The following DST variants were observed in gnomAD, a reference collection of about 807,000 sequenced individuals.
DST encodes the protein dystonin.
Under a neutral mutation model 875.2 loss-of-function variants are expected in DST, and 253 were observed. The observed-to-expected ratio is 0.29, with a 90% CI of 0.26 to 0.32. The LOEUF is 0.32. DST is among the 10% of genes least tolerant of loss of function. DST has a pLI of 1.00. For synonymous variants in DST, 3,124 were observed against 3,197.1 expected (o/e 0.98, Z 0.77); for missense variants, 8,287 against 9,111.6 (o/e 0.91, Z 3.68).
chr6:56,550,526 T>C (rs551313797), intron 61 of DST, among the ~76,000 whole-genome samples: 1 of 152,320 alleles, frequency 6.6e-6, no homozygotes, highest in South Asian at 2.1e-4. Flanking sequence ...CTCTTGCTTT[T>C]TCTTACTTTC....
At chr6:56,554,734 T>C (rs1403904180) in intron 60 of DST, among the ~76,000 whole-genome samples, 1 of 152,172 alleles carries the variant, frequency 6.6e-6, no homozygotes, top group Non-Finnish European at 1.5e-5. Context: ...AAGCATAACT[T>C]GAGTATCTAC....
chr6:56,532,700 C>A (rs1321947976), intron 63 of DST, among the ~76,000 whole-genome samples, 190 bp from the exon 64 acceptor site: 1 of 152,160 alleles, frequency 6.6e-6, no homozygotes, highest in Non-Finnish European at 1.5e-5. Flanking sequence ...GGGTCAGACA[C>A]TGTGGCAGGG....
At chr6:56,576,464 C>T (rs114109961) in intron 50 of DST, among the ~76,000 whole-genome samples, 95 of 152,122 alleles carry the variant, frequency 6.2e-4, no homozygotes, top group African/African-American at 2.1e-3. Context: ...GAGACTGACC[C>T]CTTAACCTGT....
intron 4 of DST, among the ~76,000 whole-genome samples, chr6:56,765,860 AC>A (rs2099632063): frequency 2.6e-5 from 4 of 152,176 alleles, no homozygotes; most frequent in Admixed American, 2.6e-4. Context: ...CATCTCTACC[AC>A]CCAAAAACTC....
In DST at chr6:56,594,086, T is replaced by G; in HGVS notation, c.12303A>C (p.Lys4101Asn). The change falls in exon 48 of 104, where the codon AAA (lysine) becomes AAC (asparagine). Residue 4101 changes from lysine (K) to asparagine (N), a missense_variant. Transcript: ENST00000680361. ...KQGQYLSPEE[K>N]EKLQKNMKEL... is the part of the protein sequence containing the mutation. Reference sequence around the variant, plus strand: ...CCTTCATGTTCTTTTGCAGTTTCTCTTTTTCTTCAGGAGAGAGATACTGAC... The same window carrying G: ...CCTTCATGTTCTTTTGCAGTTTCTCGTTTTCTTCAGGAGAGAGATACTGAC... The G allele has an allele frequency of 6.2e-7, 1 of 1,611,414 alleles. No homozygotes were observed. Among genetic ancestry groups the G allele is most frequent in the Non-Finnish European group, 8.5e-7 (1 of 1,179,390 alleles).
At chr6:56,729,810 T>C (rs531625726) in intron 5 of DST, among the ~76,000 whole-genome samples, 71 of 152,222 alleles carry the variant, frequency 4.7e-4, no homozygotes, top group African/African-American at 1.6e-3. Flanking sequence ...TGTGATTGAT[T>C]TGGTGGAGTC....
chr6:56,658,774 T>C (rs2099023532), intron 10 of DST, among the ~76,000 whole-genome samples: 1 of 152,196 alleles, frequency 6.6e-6, no homozygotes, highest in Admixed American at 6.5e-5. Context: ...GAACAGCCAC[T>C]GTGCATATGG....
Position 56,693,050 on chromosome 6 carries a change from T to G in DST, c.1047+6603A>C, listed in dbSNP as rs1242724635. On this transcript the variant is annotated intron_variant, in intron 9 of 103. Coordinates refer to ENST00000680361, the MANE Select transcript of DST (RefSeq NM_001374736.1). ...TTGATCGGTTTTCTTCTGAAATATT[T>G]TCTTCCAGGAGAGTATTTTTCAGGG... 17 of 1,289,712 alleles carry G rather than the reference T, an allele frequency of 1.3e-5. No individual in the cohort carries two copies. In the Admixed American group the frequency reaches 3.4e-4, roughly 26 times the overall value. The allele number at this position is 1,289,712 out of a possible 1,614,324, so 79.9% of individuals were successfully genotyped here. A position where few individuals can be genotyped will look rare whatever the true frequency, so the allele number is the denominator to read the frequency against.
At chr6:56,464,662 A>G in intron 100 of DST, 23 bp downstream of exon 100, 3 of 1,506,912 alleles carry the variant, frequency 2.0e-6, no homozygotes, top group Non-Finnish European at 2.7e-6. Context: ...AAGAGGGGAG[A>G]GGCAAAGAGA....
intron 9 of DST, among the ~76,000 whole-genome samples, chr6:56,678,173 C>T (rs77759165): frequency 6.6e-6 from 1 of 152,230 alleles, no homozygotes; most frequent in Non-Finnish European, 1.5e-5. Context: ...TGGCACCTGG[C>T]CGTGTGCCTG....
At position 56,624,421 on chromosome 6, in the gene DST, G is replaced by A. The variant is rs551753690; in HGVS notation, c.4929+109C>T. On this transcript the variant is annotated intron_variant, in intron 36 of 103. Transcript: ENST00000680361. Reference sequence around the variant, plus strand: ...AATATTTATTTGTACATCTGCTACCGGCCACATAAATTTATCATGAAACAT... The same window carrying A: ...AATATTTATTTGTACATCTGCTACCAGCCACATAAATTTATCATGAAACAT... The A allele has an allele frequency of 8.4e-5, 63 of 754,144 alleles. 1 individual carries two copies. The highest frequency in any genetic ancestry group is 4.9e-4 in the South Asian group (35 of 70,876). 46.7% of individuals were successfully genotyped at this position (754,144 alleles called of 1,614,324 possible). A position where few individuals can be genotyped will look rare whatever the true frequency, so the allele number is the denominator to read the frequency against.
intron 13 of DST, among the ~76,000 whole-genome samples, chr6:56,647,212 T>C (rs2098948145): frequency 6.6e-6 from 1 of 152,256 alleles, no homozygotes; most frequent in Non-Finnish European, 1.5e-5. Context: ...GGACGTCTGT[T>C]GGTCATTAAG....
intron 37 of DST, among the ~76,000 whole-genome samples, 165 bp from the exon 38 acceptor site, chr6:56,611,761 AGAGTAT>A (rs1362201945): frequency 6.6e-6 from 1 of 152,224 alleles, no homozygotes; most frequent in Non-Finnish European, 1.5e-5. Context: ...GAGCTAGATA[AGAGTAT>A]TTTATTTAGA....
In DST at chr6:56,823,599, C is replaced by T. The variant is rs574215693; in HGVS notation, c.625+27798G>A. 1.0e-3 allele frequency among the ~76,000 whole-genome samples: 154 copies of T among 152,064 alleles called. 1 individual carries two copies. Among genetic ancestry groups the T allele is most frequent in the African/African-American group, 3.4e-3 (142 of 41,488 alleles). ...CTCATTTTTGTATTTTTATTAGAGA[C>T]GGGGTTTCAACATGTTGGCCAGGAT... On this transcript the variant is annotated intron_variant, in intron 4 of 103. Coordinates refer to ENST00000680361, the MANE Select transcript of DST (RefSeq NM_001374736.1).
chr6:56,827,345 C>T (rs1366412429), intron 4 of DST, among the ~76,000 whole-genome samples: 1 of 151,880 alleles, frequency 6.6e-6, no homozygotes, highest in Non-Finnish European at 1.5e-5. Flanking sequence ...GAAACCCCGT[C>T]TCTACTAAAA....
chr6:56,526,107 TC>T (rs1196549149), intron 69 of DST, among the ~76,000 whole-genome samples: 1 of 152,222 alleles, frequency 6.6e-6, no homozygotes, highest in Non-Finnish European at 1.5e-5. Flanking sequence ...GGGCTGATCT[TC>T]GCAGTGTCTG....
At chr6:56,512,964 T>C (rs1043232230) in intron 72 of DST, among the ~76,000 whole-genome samples, 11 of 152,226 alleles carry the variant, frequency 7.2e-5, no homozygotes, top group African/African-American at 2.4e-4. Flanking sequence ...GGTATCTTCA[T>C]GCTGCTTTAC....
At chr6:56,772,228 C>A (rs890249702) in intron 4 of DST, among the ~76,000 whole-genome samples, 6 of 152,072 alleles carry the variant, frequency 3.9e-5, no homozygotes, top group African/African-American at 1.4e-4. Context: ...AGCCGAATGT[C>A]AAATTTACAT....
chr6:56,815,345 T>C (rs1415258329), intron 4 of DST, among the ~76,000 whole-genome samples: 1 of 146,506 alleles, frequency 6.8e-6, no homozygotes, highest in Non-Finnish European at 1.5e-5. Context: ...CACACCAAGG[T>C]ATACGTATAA....
Sources: allele counts gnomAD v4.1 joint callset (sites outside exome capture counted in the v4.1 genomes callset), GRCh38; gene constraint gnomAD v4.1.1; transcripts MANE v1.5; gene names NCBI Gene and HGNC (gene_info 2026-07-23, HGNC 2026-07-21).